PCDH15: variants seen among roughly 807,000 people sequenced by gnomAD.
PCDH15 encodes protocadherin-15.
PCDH15 carries 129 observed loss-of-function variants against 178.5 expected under a neutral mutation model. That is an observed-to-expected ratio of 0.72 (90% CI 0.63 to 0.84). PCDH15 has a LOEUF of 0.84. Among genes scored for constraint, PCDH15 ranks in the 40% least tolerant of loss-of-function variants. The pLI is 0.00. For synonymous variants in PCDH15, 800 were observed against 732.0 expected, an observed-to-expected ratio of 1.09 and a Z score of -1.50; for missense variants, 2,230 against 2,099.9, an observed-to-expected ratio of 1.06 and a Z score of -1.21.
At chr10:54,622,217 A>G (rs1410122907) in intron 2 of PCDH15, among the ~76,000 whole-genome samples, 1 of 151,672 alleles carries the variant, frequency 6.6e-6, no homozygotes, top group East Asian at 1.9e-4. Flanking sequence ...GTGGAGGTCA[A>G]TGTTGATGCT....
chr10:55,016,962 T>TCA (rs35633279), intron 2 of PCDH15, among the ~76,000 whole-genome samples: 105,679 of 151,008 alleles, frequency 0.7, 37,332 homozygotes, highest in East Asian at 0.84. Context: ...GCAGTTACAC[T>TCA]CACACACACA....
intron 3 of PCDH15, among the ~76,000 whole-genome samples, chr10:54,409,951 C>T (rs78422248): frequency 0.056 from 8,509 of 152,148 alleles, 316 homozygotes; most frequent in Admixed American, 0.11. Flanking sequence ...GCCTCCAGAA[C>T]CATAAGAAAT....
intron 18 of PCDH15, among the ~76,000 whole-genome samples, chr10:54,063,301 C>A (rs2094068973): frequency 6.6e-6 from 1 of 152,196 alleles, no homozygotes; most frequent in African/African-American, 2.4e-5. Flanking sequence ...ACTCTGATTT[C>A]TCTGTGCCTT....
At chr10:54,254,349 T>G (rs1272317434) in intron 8 of PCDH15, among the ~76,000 whole-genome samples, 2 of 152,040 alleles carry the variant, frequency 1.3e-5, no homozygotes, top group Non-Finnish European at 2.9e-5. Context: ...ACATAAAGTT[T>G]TAATGCTTTA....
chr10:54,517,890 A>C (rs1407125557), intron 3 of PCDH15, among the ~76,000 whole-genome samples: 3 of 152,212 alleles, frequency 2.0e-5, no homozygotes, highest in African/African-American at 7.2e-5. Context: ...TCAAACTAGA[A>C]CTCAAGATTA....
At chr10:54,558,540 G>C (rs2087619924) in intron 2 of PCDH15, among the ~76,000 whole-genome samples, 1 of 151,962 alleles carries the variant, frequency 6.6e-6, no homozygotes, top group Non-Finnish European at 1.5e-5. Flanking sequence ...CACACGTTAA[G>C]TACCTCAGTT....
intron 2 of PCDH15, among the ~76,000 whole-genome samples, chr10:55,126,997 G>A (rs1837917282): frequency 6.6e-6 from 1 of 151,810 alleles, no homozygotes; most frequent in Non-Finnish European, 1.5e-5. Context: ...CTTTCCTTCA[G>A]GTGTCCCCCC....
rs377283604 is a variant in PCDH15 at position 55,445,171 on chromosome 10, C to T, written c.-156+182454G>A. ...AATATAGACATGTCAGTGTCAATGT[C>T]CTGCTTTCTCTCTGCTTTTTCTTTC... On this transcript the variant is annotated intron_variant, in intron 2 of 5. Transcript: ENST00000613346. 2.4e-4 allele frequency among the ~76,000 whole-genome samples: 36 copies of T among 152,174 alleles called. 1 individual carries two copies. The highest frequency in any genetic ancestry group is 8.2e-4 in the African/African-American group (34 of 41,538).
At chr10:55,320,369 GCCC>G (rs1357300764), upstream of PCDH15, among the ~76,000 whole-genome samples, 1 of 135,202 alleles carries the variant, frequency 7.4e-6, no homozygotes, top group Non-Finnish European at 1.6e-5. Context: ...TCCACACCAT[GCCC>G]CCACCACCAC....
chr10:54,929,846 C>T (rs1238948674), intron 2 of PCDH15, among the ~76,000 whole-genome samples: 2 of 152,188 alleles, frequency 1.3e-5, no homozygotes, highest in African/African-American at 4.8e-5. Flanking sequence ...GTGGCTTGCT[C>T]AGCTCATTTG....
intron 2 of PCDH15, among the ~76,000 whole-genome samples, chr10:54,898,645 G>A: frequency 6.6e-6 from 1 of 152,006 alleles, no homozygotes. Flanking sequence ...ACCTAGTTCA[G>A]TATTGTTCTA....
intron 2 of PCDH15, among the ~76,000 whole-genome samples, chr10:55,101,746 TAA>T (rs1842582128): frequency 6.6e-5 from 10 of 151,542 alleles, no homozygotes; most frequent in African/African-American, 2.4e-4. Flanking sequence ...ACATATATAA[TAA>T]ATATATTTTG....
intron 2 of PCDH15, among the ~76,000 whole-genome samples, chr10:54,975,966 G>T (rs1839060276): frequency 6.6e-6 from 1 of 152,056 alleles, no homozygotes; most frequent in African/African-American, 2.4e-5. Flanking sequence ...TTAAGTTGAA[G>T]TGTAGTGTCT....
intron 1 of PCDH15, among the ~76,000 whole-genome samples, chr10:55,318,903 C>T (rs1425701464): frequency 1.3e-5 from 2 of 152,102 alleles, no homozygotes; most frequent in African/African-American, 2.4e-5. Flanking sequence ...TCTGGCAAAT[C>T]ATAACCATAC....
intron 2 of PCDH15, among the ~76,000 whole-genome samples, chr10:55,585,769 ATG>A (rs760843304): frequency 6.6e-6 from 1 of 151,908 alleles, no homozygotes; most frequent in Non-Finnish European, 1.5e-5. Context: ...GTGTATATAT[ATG>A]TGTGTGTGTA....
intron 9 of PCDH15, among the ~76,000 whole-genome samples, chr10:54,225,036 T>C (rs1418111780): frequency 1.3e-5 from 2 of 152,136 alleles, no homozygotes; most frequent in African/African-American, 2.4e-5. Flanking sequence ...AAAATTCTTA[T>C]CTTAGTAGCC....
intron 3 of PCDH15, among the ~76,000 whole-genome samples, chr10:54,869,364 C>T (rs961255086): frequency 2.0e-5 from 3 of 152,128 alleles, no homozygotes; most frequent in Non-Finnish European, 4.4e-5. Flanking sequence ...AACTTCTAGC[C>T]TCCAGATAAA....
At chr10:54,725,888 TAA>T (rs201920592) in intron 1 of PCDH15, among the ~76,000 whole-genome samples, 3 of 147,010 alleles carry the variant, frequency 2.0e-5, no homozygotes, top group Admixed American at 1.4e-4. Flanking sequence ...TCAGTTCTGG[TAA>T]AAAAAAATTA....
chr10:54,219,285 A>G (rs1029192002), intron 9 of PCDH15, among the ~76,000 whole-genome samples: 1 of 141,996 alleles, frequency 7.0e-6, no homozygotes, highest in African/African-American at 2.6e-5. Context: ...AAAAAAAAAA[A>G]AAAAAAAAAG....
Sources: gnomAD v4.1 joint callset for allele counts (sites outside exome capture counted in the v4.1 genomes callset) on GRCh38, gnomAD v4.1.1 for gene constraint, MANE v1.5 for transcripts, NCBI Gene and HGNC (gene_info 2026-07-23, HGNC 2026-07-21) for gene names.